NCKAP1: variants seen among roughly 807,000 people sequenced by gnomAD.
NCKAP1 encodes nck-associated protein 1.
Under a neutral mutation model 151.2 loss-of-function variants are expected in NCKAP1, and 21 were observed. That is an observed-to-expected ratio of 0.14 (90% CI 0.10 to 0.20). The LOEUF (loss-of-function observed/expected upper bound fraction) is 0.20, where lower values mean the gene tolerates loss of function less well. Among genes scored for constraint, NCKAP1 ranks in the 10% least tolerant of loss-of-function variants. The probability of loss-of-function intolerance (pLI) is 1.00; values close to 1 mark genes in which losing one functional copy is unlikely to be tolerated. For missense variants in NCKAP1, 933 were observed against 1,352.1 expected (o/e 0.69, Z 4.86); for synonymous variants, 484 against 451.8 (o/e 1.07, Z -0.90).
In NCKAP1 at chr2:182,910,581, A is replaced by T. The variant is rs1320339884; in HGVS notation, c.*15121T>A. 1 of 152,244 alleles carries T rather than the reference A, an allele frequency of 6.6e-6. No homozygotes were observed. The highest frequency in any genetic ancestry group is 1.5e-5 in the Non-Finnish European group (1 of 68,068). 9.4% of individuals were successfully genotyped at this position (152,244 alleles called of 1,614,324 possible). A position where few individuals can be genotyped will look rare whatever the true frequency, so the allele number is the denominator to read the frequency against. On this transcript the variant is annotated 3_prime_UTR_variant, in exon 31 of 31. Transcript: ENST00000361354. ...AGACCATTCAGGATTCAGAACCTAGATAGATGATGCTGTGAGGGCTGCGGC... is the reference window on the plus strand; with the variant it reads ...AGACCATTCAGGATTCAGAACCTAGTTAGATGATGCTGTGAGGGCTGCGGC...
intron 12 of NCKAP1, 88 bp from the exon 13 acceptor site, chr2:182,981,464 A>C: frequency 9.4e-7 from 1 of 1,067,188 alleles, no homozygotes; most frequent in Non-Finnish European, 1.3e-6. Context: ...TATTTCTAAA[A>C]GTATTTTTCT....
At chr2:183,027,507 A>C (rs1390149825) in intron 1 of NCKAP1, among the ~76,000 whole-genome samples, 1 of 152,188 alleles carries the variant, frequency 6.6e-6, no homozygotes, top group Non-Finnish European at 1.5e-5. Context: ...ACATGACTAA[A>C]AGTTATCAGC....
chr2:183,005,560 C>A (rs1212796352), intron 2 of NCKAP1, among the ~76,000 whole-genome samples: 1 of 152,076 alleles, frequency 6.6e-6, no homozygotes, highest in East Asian at 1.9e-4. Context: ...CTTTTTAATA[C>A]AATCTCATAG....
chr2:182,960,533 A>C (rs1697425232), intron 18 of NCKAP1, among the ~76,000 whole-genome samples: 1 of 152,246 alleles, frequency 6.6e-6, no homozygotes, highest in South Asian at 2.1e-4. Context: ...AGCCATATGT[A>C]GAAAGCTGAA....
chr2:182,920,306 G>A lies in NCKAP1; in HGVS notation c.*5396C>T, dbSNP rs1004317694. On this transcript the variant is annotated 3_prime_UTR_variant, in exon 31 of 31. Transcript: ENST00000361354. Reference sequence around the variant, plus strand: ...CTTCTTACGTAATACTTGCTGTAGAGAATCTCTTTCTACTCAAGGGAAGAT... The same window carrying A: ...CTTCTTACGTAATACTTGCTGTAGAAAATCTCTTTCTACTCAAGGGAAGAT... 1 of 152,116 alleles carries A rather than the reference G, an allele frequency of 6.6e-6. No homozygotes were observed. The highest frequency in any genetic ancestry group is 2.4e-5 in the African/African-American group (1 of 41,412). The allele number at this position is 152,116 out of a possible 1,614,324, so 9.4% of individuals were successfully genotyped here.
At chr2:182,933,920 G>A (rs1469318115) in intron 26 of NCKAP1, among the ~76,000 whole-genome samples, 1 of 152,030 alleles carries the variant, frequency 6.6e-6, no homozygotes, top group Non-Finnish European at 1.5e-5. Context: ...TAGATCAATA[G>A]TTGGATTTCA....
intron 8 of NCKAP1, among the ~76,000 whole-genome samples, chr2:182,994,268 G>C (rs1342349551): frequency 1.3e-5 from 2 of 152,134 alleles, no homozygotes; most frequent in African/African-American, 2.4e-5. Flanking sequence ...ATGAGCCTTG[G>C]AGTTAGGCTG....
At chr2:182,963,422 G>A (rs148408905) in intron 17 of NCKAP1, among the ~76,000 whole-genome samples, 2 of 152,208 alleles carry the variant, frequency 1.3e-5, no homozygotes, top group African/African-American at 4.8e-5. Flanking sequence ...CGTTTCAACA[G>A]CTCAGAAATG....
intron 10 of NCKAP1, among the ~76,000 whole-genome samples, chr2:182,984,378 C>G (rs1698005268): frequency 6.7e-6 from 1 of 148,974 alleles, no homozygotes; most frequent in Non-Finnish European, 1.5e-5. Context: ...CCTCATACTA[C>G]ACAAAATATA....
At chr2:183,033,790 C>A (rs1452017734) in intron 1 of NCKAP1, among the ~76,000 whole-genome samples, 1 of 152,168 alleles carries the variant, frequency 6.6e-6, no homozygotes, top group Admixed American at 6.5e-5. Flanking sequence ...CAAACTGGCA[C>A]ATATACAACC....
At position 182,910,846 on chromosome 2, in the gene NCKAP1, GAGA is replaced by G. The variant is rs1476782172; in HGVS notation, c.*14853_*14855del. Reference sequence around the variant, plus strand: ...TCAGCAACCTTCAGAGAAAGTTACTGAGAAGAAGGTGATTGCTAAGTATTTACA... The same window carrying G: ...TCAGCAACCTTCAGAGAAAGTTACTGAGAAGGTGATTGCTAAGTATTTACA... On this transcript the variant is annotated 3_prime_UTR_variant, in exon 31 of 31. Transcript: ENST00000361354. The G allele has an allele frequency of 6.6e-6, 1 of 151,950 alleles. No individual in the cohort carries two copies. The highest frequency in any genetic ancestry group is 1.5e-5 in the Non-Finnish European group (1 of 68,010). The allele number at this position is 151,950 out of a possible 1,614,324, so 9.4% of individuals were successfully genotyped here.
intron 2 of NCKAP1, 92 bp downstream of exon 2, chr2:183,023,714 A>G: frequency 1.1e-6 from 1 of 943,874 alleles, no homozygotes. Flanking sequence ...GTTAAAAATT[A>G]GGTAAATAAG....
At chr2:182,994,924 A>G in intron 7 of NCKAP1, 37 bp from the exon 8 acceptor site, 1 of 1,514,030 alleles carries the variant, frequency 6.6e-7, no homozygotes, top group African/African-American at 1.4e-5. Context: ...AGTTAAAAGA[A>G]ATTCTAAAAA....
At chr2:183,015,459 G>C (rs897003021) in intron 2 of NCKAP1, among the ~76,000 whole-genome samples, 2 of 150,976 alleles carry the variant, frequency 1.3e-5, no homozygotes, top group African/African-American at 4.9e-5. Flanking sequence ...TTAGAAGACA[G>C]AAGGTTAGAG....
intron 1 of NCKAP1, among the ~76,000 whole-genome samples, chr2:183,034,828 T>C (rs766789220): frequency 6.6e-6 from 1 of 152,128 alleles, no homozygotes; most frequent in Non-Finnish European, 1.5e-5. Flanking sequence ...ATCATAAAGA[T>C]AGAGCTGGAA....
chr2:183,019,184 T>C (rs1230849417), intron 2 of NCKAP1, among the ~76,000 whole-genome samples: 1 of 152,156 alleles, frequency 6.6e-6, no homozygotes, highest in South Asian at 2.1e-4. Context: ...ATACATAGGA[T>C]AGTAATTTTT....
intron 15 of NCKAP1, among the ~76,000 whole-genome samples, chr2:182,972,072 C>A: frequency 6.6e-6 from 1 of 151,758 alleles, no homozygotes; most frequent in East Asian, 1.9e-4. Flanking sequence ...TAAATAGGAT[C>A]ACATTAAGCT....
chr2:182,969,558 A>C, intron 15 of NCKAP1, among the ~76,000 whole-genome samples: 1 of 152,090 alleles, frequency 6.6e-6, no homozygotes, highest in Non-Finnish European at 1.5e-5. Flanking sequence ...ATGCTCCTGA[A>C]CAATGTAGAA....
rs145493329 is a variant in NCKAP1, at chr2:182,970,078, G to T, written c.1483-2717C>A. Among the ~76,000 whole-genome samples the T allele has an allele frequency of 9.9e-5, 15 of 152,182 alleles. No individual in the cohort carries two copies. The East Asian group carries it at 1.5e-3, about 16-fold the overall frequency. On this transcript the variant is annotated intron_variant, in intron 15 of 30. Coordinates refer to ENST00000361354, the MANE Select transcript of NCKAP1 (RefSeq NM_013436.5). ...CCTACCAAGAAGAAACAGAAAACCT[G>T]AAAGGACCAGTAATAAGTAATGAGA... is the stretch of plus-strand genomic sequence containing the variant.
Sources: allele counts gnomAD v4.1 joint callset (sites outside exome capture counted in the v4.1 genomes callset), GRCh38; gene constraint gnomAD v4.1.1; transcripts MANE v1.5; gene names NCBI Gene and HGNC (gene_info 2026-07-23, HGNC 2026-07-21).